Variants in AGTR1 observed in about 807,000 individuals in gnomAD.
AGTR1 encodes angiotensin II receptor type 1.
Under a neutral mutation model 19.4 loss-of-function variants are expected in AGTR1, and 16 were observed. That is an observed-to-expected ratio of 0.82 (90% confidence interval 0.56 to 1.25). The LOEUF is 1.25. Ranked by LOEUF, AGTR1 falls within the 50% of genes most tolerant of loss-of-function variation. The probability of loss-of-function intolerance (pLI) is 0.00; values close to 1 mark genes in which losing one functional copy is unlikely to be tolerated. For synonymous variants in AGTR1, 153 were observed against 154.9 expected, an observed-to-expected ratio of 0.99 and a Z score of 0.09; for missense variants, 373 against 431.9, an observed-to-expected ratio of 0.86 and a Z score of 1.21.
chr3:148,741,918 A>T lies in AGTR1; in HGVS notation c.883A>T (p.Asn295Tyr), dbSNP rs1224002017. ...PITICIAYFN[N>Y]CLNPLFYGFL... ...CACCATTTGTATAGCTTATTTTAAC[A>T]ATTGCCTGAATCCTCTTTTTTATGG... Residue 295 changes from asparagine (N) to tyrosine (Y), a missense_variant, in exon 3 of 3, where the codon AAT becomes TAT. Coordinates refer to ENST00000349243, the MANE Select transcript of AGTR1 (RefSeq NM_000685.5). The T allele has an allele frequency of 6.2e-7, 1 of 1,614,138 alleles. No individual in the cohort carries two copies.
intron 2 of AGTR1, among the ~76,000 whole-genome samples, chr3:148,736,094 G>A (rs12695912): frequency 0.064 from 9,797 of 152,066 alleles, 349 homozygotes; most frequent in Middle Eastern, 0.12. Context: ...GTTTTGGCTT[G>A]CCTAAAAGCT....
rs186187774 is a variant in AGTR1 at position 148,703,502 on chromosome 3, A to T, written c.-131-4442A>T. On this transcript the variant is annotated intron_variant, in intron 1 of 2. Transcript: ENST00000349243. Reference sequence around the variant, plus strand: ...TTAATAAAGCTAATATTTATTGAGTACATAAATGTGCCAAACACAACGTTC... The same window carrying T: ...TTAATAAAGCTAATATTTATTGAGTTCATAAATGTGCCAAACACAACGTTC... Among the ~76,000 whole-genome samples, 266 of 152,350 alleles carry T rather than the reference A, an allele frequency of 1.7e-3. 1 individual carries two copies. The highest frequency in any genetic ancestry group is 6.2e-3 in the African/African-American group (258 of 41,584).
chr3:148,714,471 G>A (rs777626725), intron 2 of AGTR1, among the ~76,000 whole-genome samples: 1 of 152,102 alleles, frequency 6.6e-6, no homozygotes, highest in Non-Finnish European at 1.5e-5. Flanking sequence ...AAGGCACAGC[G>A]AGTATGCCAG....
intron 2 of AGTR1, among the ~76,000 whole-genome samples, chr3:148,712,885 C>T (rs186391541): frequency 1.6e-4 from 24 of 152,168 alleles, no homozygotes; most frequent in African/African-American, 5.1e-4. Flanking sequence ...AAAGAAGGAG[C>T]GCTGGAAATG....
rs886058068 is a variant in AGTR1 at position 148,697,928 on chromosome 3, C to G, written c.-331C>G. On this transcript the variant is annotated 5_prime_UTR_variant, in exon 1 of 3. Coordinates refer to ENST00000349243, the MANE Select transcript of AGTR1 (RefSeq NM_000685.5). ...ATTCCAGCGCCTGACAGCCAGGACCCCAGGCAGCAGCGAGTGACAGGACGT... is the reference window on the plus strand; with the variant it reads ...ATTCCAGCGCCTGACAGCCAGGACCGCAGGCAGCAGCGAGTGACAGGACGT... The G allele has an allele frequency of 2.6e-5, 4 of 152,424 alleles. No homozygotes were observed. The highest frequency in any genetic ancestry group is 6.5e-5 in the Admixed American group (1 of 15,296). The allele number at this position is 152,424 out of a possible 1,614,324, so 9.4% of individuals were successfully genotyped here.
intron 2 of AGTR1, chr3:148,729,971 A>T (rs1553760131): frequency 6.7e-6 from 2 of 296,670 alleles, no homozygotes; most frequent in Non-Finnish European, 1.2e-5. Context: ...ATTTGCTCGC[A>T]GGGAAAAAAA....
intron 1 of AGTR1, among the ~76,000 whole-genome samples, chr3:148,702,842 C>A (rs12721229): frequency 0.015 from 2,208 of 152,232 alleles, 45 homozygotes; most frequent in African/African-American, 0.05. Flanking sequence ...ATGTTAAATA[C>A]ATTTTCAGAC....
At chr3:148,720,467 T>G (rs1713568230) in intron 2 of AGTR1, among the ~76,000 whole-genome samples, 1 of 152,200 alleles carries the variant, frequency 6.6e-6, no homozygotes, top group Non-Finnish European at 1.5e-5. Flanking sequence ...TCTTGCAAAC[T>G]TTTAACATCT....
intron 2 of AGTR1, among the ~76,000 whole-genome samples, chr3:148,724,976 G>A (rs1321866464): frequency 1.3e-5 from 2 of 152,024 alleles, no homozygotes; most frequent in Admixed American, 6.6e-5. Flanking sequence ...AGCCTAATTT[G>A]TTTTTCCATT....
At position 148,741,353 on chromosome 3, in the gene AGTR1, C is replaced by T. The variant is rs752611019; in HGVS notation, c.318C>T (p.Ala106=). Reference sequence around the variant, plus strand: ...ATTACCTATGTAAGATTGCTTCAGCCAGCGTCAGTTTCAACCTGTACGCTA... The same window carrying T: ...ATTACCTATGTAAGATTGCTTCAGCTAGCGTCAGTTTCAACCTGTACGCTA... ...FGNYLCKIAS[A]SVSFNLYASV... The change falls in exon 3 of 3, where the codon GCC becomes GCT. Residue 106 remains alanine (A), a synonymous_variant. Coordinates refer to ENST00000349243, the MANE Select transcript of AGTR1 (RefSeq NM_000685.5). 5 of 1,606,256 alleles carry T rather than the reference C, an allele frequency of 3.1e-6. No homozygotes were observed. In the South Asian group the frequency reaches 5.5e-5, roughly 18 times the overall value.
At chr3:148,702,695 C>T (rs1359641439) in intron 1 of AGTR1, among the ~76,000 whole-genome samples, 1 of 152,184 alleles carries the variant, frequency 6.6e-6, no homozygotes, top group East Asian at 1.9e-4. Context: ...CCTTTCCCCT[C>T]CTCGTGAGAT....
chr3:148,706,929 G>A (rs1370946960), intron 1 of AGTR1, among the ~76,000 whole-genome samples: 1 of 151,826 alleles, frequency 6.6e-6, no homozygotes, highest in East Asian at 1.9e-4. Flanking sequence ...AAACAATTTG[G>A]TTCAACAGTC....
Position 148,741,917 on chromosome 3 carries a change from C to T in AGTR1, c.882C>T (p.Asn294=), listed in dbSNP as rs1714926769. 3 of 1,613,936 alleles carry T rather than the reference C, an allele frequency of 1.9e-6. No individual in the cohort carries two copies. Among genetic ancestry groups the T allele is most frequent in the African/African-American group, 1.3e-5 (1 of 74,900 alleles). The stretch of plus-strand genomic sequence containing the variant: ...TCACCATTTGTATAGCTTATTTTAA[C>T]AATTGCCTGAATCCTCTTTTTTATG... ...MPITICIAYF[N]NCLNPLFYGF... The change falls in exon 3 of 3, where the codon AAC becomes AAT. Residue 294 remains asparagine, a synonymous_variant. Coordinates refer to ENST00000349243, the MANE Select transcript of AGTR1 (RefSeq NM_000685.5).
intron 1 of AGTR1, among the ~76,000 whole-genome samples, chr3:148,701,594 T>C (rs1311336902): frequency 3.9e-5 from 6 of 152,232 alleles, no homozygotes; most frequent in Non-Finnish European, 8.8e-5. Flanking sequence ...TAGAAACAAA[T>C]GTCTAGAATC....
Position 148,742,708 on chromosome 3 carries a change from G to A in AGTR1, c.*593G>A, listed in dbSNP as rs191473323. 7 of 182,510 alleles carry A rather than the reference G, an allele frequency of 3.8e-5. No individual in the cohort carries two copies. In the East Asian group the frequency reaches 1.2e-3, roughly 31 times the overall value. The allele number at this position is 182,510 out of a possible 1,614,324, so 11.3% of individuals were successfully genotyped here. A position where few individuals can be genotyped will look rare whatever the true frequency, so the allele number is the denominator to read the frequency against. On this transcript the variant is annotated 3_prime_UTR_variant, in exon 3 of 3. Coordinates refer to ENST00000349243, the MANE Select transcript of AGTR1 (RefSeq NM_000685.5). Reference sequence around the variant, plus strand: ...CTGCCAAAACAATGCCCGTAAGATGGCTTATTTGTATAATGGTGTTACTAA... The same window carrying A: ...CTGCCAAAACAATGCCCGTAAGATGACTTATTTGTATAATGGTGTTACTAA...
rs3836282 is a variant in AGTR1, at chr3:148,699,286, CTTA to C, written c.-132+1166_-132+1168del. 8.7e-4 allele frequency among the ~76,000 whole-genome samples: 132 copies of C among 152,306 alleles called. 4 individuals are homozygous for C. The East Asian group carries it at 0.019, about 22-fold the overall frequency. The stretch of plus-strand genomic sequence containing the variant: ...AGATGCTGCATCCCAACATGATTCT[CTTA>C]TTATTAGTTACCACCTGAGGGTTTT... On this transcript the variant is annotated intron_variant, in intron 1 of 2. Coordinates refer to ENST00000349243, the MANE Select transcript of AGTR1 (RefSeq NM_000685.5).
chr3:148,702,864 A>T (rs973068107), intron 1 of AGTR1, among the ~76,000 whole-genome samples: 2 of 152,174 alleles, frequency 1.3e-5, no homozygotes, highest in Non-Finnish European at 2.9e-5. Context: ...TTTATATTTT[A>T]AAAAAGAAAT....
At chr3:148,725,449 A>G (rs1713873630) in intron 2 of AGTR1, among the ~76,000 whole-genome samples, 1 of 152,214 alleles carries the variant, frequency 6.6e-6, no homozygotes, top group Non-Finnish European at 1.5e-5. Context: ...TAATAATGCA[A>G]CAAATTACAT....
At chr3:148,713,838 A>G (rs964203841) in intron 2 of AGTR1, among the ~76,000 whole-genome samples, 12 of 152,152 alleles carry the variant, frequency 7.9e-5, no homozygotes, top group African/African-American at 2.9e-4. Flanking sequence ...ACGTAGGGCA[A>G]TATATAAACT....
Sources: allele counts gnomAD v4.1 joint callset (sites outside exome capture counted in the v4.1 genomes callset), GRCh38; gene constraint gnomAD v4.1.1; transcripts MANE v1.5; gene names NCBI Gene and HGNC (gene_info 2026-07-23, HGNC 2026-07-21).